PDE10A: variants seen among roughly 807,000 people sequenced by gnomAD.
PDE10A encodes the protein phosphodiesterase 10A.
Under a neutral mutation model 97.7 loss-of-function variants are expected in PDE10A, and 39 were observed. The ratio of observed to expected loss-of-function variants is 0.40; its 90% CI spans 0.31 to 0.52. The LOEUF (loss-of-function observed/expected upper bound fraction) is 0.52. PDE10A is among the 20% of genes least tolerant of loss of function. The pLI is 0.56. For missense variants in PDE10A, 731 were observed against 1,047.8 expected (o/e 0.70, Z 4.17); for synonymous variants, 371 against 376.8 (o/e 0.98, Z 0.18).
rs760133426 is a variant in PDE10A at position 165,662,084 on chromosome 6, TGGCCGCCGCCGCCTG to T, written c.713_727del (p.Pro238_Gly242del). The T allele has an allele frequency of 1.9e-5, 24 of 1,263,258 alleles. No individual in the cohort carries two copies. Among genetic ancestry groups the T allele is most frequent in the South Asian group, 1.4e-4 (7 of 49,034 alleles). 78.3% of individuals were successfully genotyped at this position (1,263,258 alleles called of 1,614,324 possible). On this transcript the variant is annotated inframe_deletion, in exon 1 of 22. Transcript: ENST00000539869. ...GGCGCCCTGGGGACGCCGCGGAGTT[TGGCCGCCGCCGCCTG>T]GGCCGGCGCCGGGGAAGCCGGGGGA...
At chr6:165,638,927 A>C (rs12196394) in intron 1 of PDE10A, among the ~76,000 whole-genome samples, 49,683 of 152,004 alleles carry the variant, frequency 0.33, 9,179 homozygotes, top group East Asian at 0.65. Context: ...TGTCCTCCAG[A>C]TTTTGTAATG....
At chr6:165,654,234 T>C (rs758812507) in intron 1 of PDE10A, among the ~76,000 whole-genome samples, 1 of 152,182 alleles carries the variant, frequency 6.6e-6, no homozygotes, top group Non-Finnish European at 1.5e-5. Context: ...ACTTTCCTTC[T>C]AAAACGTTCC....
At position 165,956,795 on chromosome 6, in the gene PDE10A, T is replaced by C. The variant is rs577608916; in HGVS notation, c.-615+30734A>G. Among the ~76,000 whole-genome samples, 17 of 152,342 alleles carry C rather than the reference T, an allele frequency of 1.1e-4. No homozygotes were observed. The South Asian group carries it at 1.5e-3, about 13-fold the overall frequency. On this transcript the variant is annotated intron_variant, in intron 1 of 19. Transcript: ENST00000366882. ...CAACCATGGTATGGAATCCGAATCATGTCATAGAGTTGAAGGGCAAGTGGG... is the reference window on the plus strand; with the variant it reads ...CAACCATGGTATGGAATCCGAATCACGTCATAGAGTTGAAGGGCAAGTGGG...
intron 1 of PDE10A, among the ~76,000 whole-genome samples, chr6:165,725,300 C>G (rs112123928): frequency 0.01 from 1,534 of 152,356 alleles, 26 homozygotes; most frequent in African/African-American, 0.036. Context: ...TGAGCTATCA[C>G]AAGCCACTGC....
intron 13 of PDE10A, among the ~76,000 whole-genome samples, chr6:165,410,779 A>C (rs1167471315): frequency 6.6e-6 from 1 of 151,934 alleles, no homozygotes; most frequent in Non-Finnish European, 1.5e-5. Flanking sequence ...AGGAAACACC[A>C]GACAAATCCA....
At chr6:165,909,217 CTT>C (rs1782388201) in intron 1 of PDE10A, 1 of 152,258 alleles carries the variant, frequency 6.6e-6, no homozygotes, top group South Asian at 2.1e-4. Context: ...AAGAGCCTGA[CTT>C]TACACACTCC....
At chr6:165,944,325 T>C (rs1053872612) in intron 1 of PDE10A, among the ~76,000 whole-genome samples, 1 of 152,222 alleles carries the variant, frequency 6.6e-6, no homozygotes, top group African/African-American at 2.4e-5. Flanking sequence ...ATTTCTCCTC[T>C]TGAATCCCAG....
At chr6:165,915,677 C>T (rs145977098) in intron 1 of PDE10A, among the ~76,000 whole-genome samples, 72 of 152,342 alleles carry the variant, frequency 4.7e-4, no homozygotes, top group African/African-American at 1.7e-3. Context: ...CACACAAAAT[C>T]GGAACCACAC....
At chr6:165,904,579 A>T (rs1044049628) in intron 1 of PDE10A, among the ~76,000 whole-genome samples, 3 of 152,116 alleles carry the variant, frequency 2.0e-5, no homozygotes, top group Non-Finnish European at 4.4e-5. Context: ...TTTTGGTCAA[A>T]TCCTTCTAAG....
At chr6:165,591,622 C>A (rs1478296068) in intron 1 of PDE10A, among the ~76,000 whole-genome samples, 1 of 152,214 alleles carries the variant, frequency 6.6e-6, no homozygotes, top group Non-Finnish European at 1.5e-5. Context: ...GTCAAGTTCA[C>A]CTCCTACTTG....
chr6:165,341,881 T>C (rs1054266521), intron 19 of PDE10A, among the ~76,000 whole-genome samples: 8 of 152,186 alleles, frequency 5.3e-5, no homozygotes, highest in African/African-American at 9.6e-5. Context: ...CAGAGACAAT[T>C]AGCATCACAG....
intron 1 of PDE10A, among the ~76,000 whole-genome samples, chr6:165,950,892 G>A (rs1284303797): frequency 6.6e-6 from 1 of 152,184 alleles, no homozygotes; most frequent in Non-Finnish European, 1.5e-5. Flanking sequence ...GTACACGTTG[G>A]GAGATCTGAT....
intron 1 of PDE10A, among the ~76,000 whole-genome samples, chr6:165,803,647 A>C (rs1180447195): frequency 2.0e-5 from 3 of 152,228 alleles, no homozygotes; most frequent in Non-Finnish European, 4.4e-5. Flanking sequence ...TGAACGAGTG[A>C]TGTCTCTGAG....
rs1583714057 is a variant in PDE10A, at chr6:165,649,920, G to C, written c.865+12027C>G. 3.9e-5 allele frequency among the ~76,000 whole-genome samples: 6 copies of C among 152,336 alleles called. 1 individual carries two copies. Among genetic ancestry groups the C allele is most frequent in the Admixed American group, 3.3e-4 (5 of 15,310 alleles). ...CATCTTAAGCATGAAACCATCAATTGCATCAGTCAGAAACTGTATTAAAAT... is the reference window on the plus strand; with the variant it reads ...CATCTTAAGCATGAAACCATCAATTCCATCAGTCAGAAACTGTATTAAAAT... On this transcript the variant is annotated intron_variant, in intron 1 of 21. Transcript: ENST00000539869.
At chr6:165,796,081 T>C (rs1778819063) in intron 1 of PDE10A, among the ~76,000 whole-genome samples, 1 of 128,732 alleles carries the variant, frequency 7.8e-6, no homozygotes, top group South Asian at 2.5e-4. Flanking sequence ...TCTTTTCTTT[T>C]TTTTCTTTTC....
At chr6:165,949,662 C>G (rs1007519962) in intron 1 of PDE10A, 2 of 152,140 alleles carry the variant, frequency 1.3e-5, no homozygotes, top group East Asian at 3.9e-4. Context: ...TAGAAGAACT[C>G]TATTAATATG....
chr6:165,882,392 T>C (rs762008226), intron 1 of PDE10A, among the ~76,000 whole-genome samples: 8 of 152,244 alleles, frequency 5.3e-5, no homozygotes, highest in Non-Finnish European at 1.2e-4. Flanking sequence ...AACTGATCAT[T>C]AATACCATTG....
At chr6:165,630,344 T>C (rs3008033) in intron 1 of PDE10A, among the ~76,000 whole-genome samples, 34,866 of 152,052 alleles carry the variant, frequency 0.23, 4,236 homozygotes, top group Middle Eastern at 0.39. Flanking sequence ...TGAGACCCTG[T>C]CTCAATTTAA....
chr6:165,648,896 G>C (rs1048950678), intron 1 of PDE10A, among the ~76,000 whole-genome samples: 1 of 152,174 alleles, frequency 6.6e-6, no homozygotes, highest in African/African-American at 2.4e-5. Context: ...GGATTTAAGT[G>C]CTCCACAGAG....
Sources: allele counts gnomAD v4.1 joint callset (sites outside exome capture counted in the v4.1 genomes callset), GRCh38; gene constraint gnomAD v4.1.1; transcripts MANE v1.5; gene names NCBI Gene and HGNC (gene_info 2026-07-23, HGNC 2026-07-21).